The following GNAL variants were observed in gnomAD, a reference collection of about 807,000 sequenced individuals.
The protein encoded by GNAL is guanine nucleotide-binding protein G(olf) subunit alpha.
GNAL carries 18 observed loss-of-function variants against 55.1 expected under a neutral mutation model. The observed-to-expected ratio is 0.33, with a 90% CI of 0.23 to 0.48. The LOEUF is 0.48. GNAL is among the 20% of genes least tolerant of loss of function. The pLI is 0.99. For synonymous variants in GNAL, 253 were observed against 237.0 expected, an observed-to-expected ratio of 1.07 and a Z score of -0.62; for missense variants, 412 against 614.1, an observed-to-expected ratio of 0.67 and a Z score of 3.48.
chr18:11,782,070 A>C (rs2033936184), intron 4 of GNAL, among the ~76,000 whole-genome samples: 1 of 152,214 alleles, frequency 6.6e-6, no homozygotes, highest in South Asian at 2.1e-4. Context: ...TAATCCTAGC[A>C]ATTTGGGAAG....
At chr18:11,860,184 T>C (rs576683946) in intron 5 of GNAL, among the ~76,000 whole-genome samples, 2 of 152,286 alleles carry the variant, frequency 1.3e-5, no homozygotes, top group East Asian at 1.9e-4. Flanking sequence ...CCTATCGCTA[T>C]GAAAGGCCAT....
At chr18:11,706,068 A>AT (rs1052790650) in intron 1 of GNAL, among the ~76,000 whole-genome samples, 4 of 152,004 alleles carry the variant, frequency 2.6e-5, no homozygotes, top group African/African-American at 7.2e-5. Context: ...TCATTAGCCC[A>AT]TTTTTTAATC....
chr18:11,864,416 T>G, intron 6 of GNAL, 117 bp from the exon 7 acceptor site: 1 of 720,034 alleles, frequency 1.4e-6, no homozygotes, highest in Non-Finnish European at 2.6e-6. Context: ...AATTGTTGTT[T>G]CCTTTACAGT....
intron 5 of GNAL, among the ~76,000 whole-genome samples, chr18:11,843,769 TTTGAGA>T (rs2035670409): frequency 6.7e-6 from 1 of 150,062 alleles, no homozygotes; most frequent in Non-Finnish European, 1.5e-5. Context: ...AGGTCGGGAG[TTTGAGA>T]CCAGCCTGAC....
rs180972073 is a variant in GNAL, at chr18:11,882,830, C to T, written c.*1695C>T. 1.3e-5 allele frequency: 2 copies of T among 152,284 alleles called. No homozygotes were observed. The highest frequency in any genetic ancestry group is 4.8e-5 in the African/African-American group (2 of 41,566). 9.4% of individuals were successfully genotyped at this position (152,284 alleles called of 1,614,324 possible). The stretch of plus-strand genomic sequence containing the variant: ...AAAGTCAAAAGATACGGCTCTTTCT[C>T]ACACTTGCAAGACTTACAAATACAG... On this transcript the variant is annotated 3_prime_UTR_variant, in exon 12 of 12. Coordinates refer to ENST00000334049, the MANE Select transcript of GNAL (RefSeq NM_182978.4).
chr18:11,847,349 G>A (rs2035761689), intron 5 of GNAL, among the ~76,000 whole-genome samples: 1 of 150,830 alleles, frequency 6.6e-6, no homozygotes, highest in Admixed American at 6.6e-5. Flanking sequence ...TGAGAATCCA[G>A]AAATAGTTTA....
intron 4 of GNAL, among the ~76,000 whole-genome samples, chr18:11,801,130 A>G (rs1363653799): frequency 6.6e-6 from 1 of 152,236 alleles, no homozygotes; most frequent in Non-Finnish European, 1.5e-5. Flanking sequence ...CTGAACTCTT[A>G]GCATGTGTCA....
chr18:11,734,110 G>A (rs1390609840), intron 1 of GNAL, among the ~76,000 whole-genome samples: 1 of 151,740 alleles, frequency 6.6e-6, no homozygotes, highest in African/African-American at 2.4e-5. Context: ...ATGGAACTGG[G>A]GGTTAGGGAA....
At chr18:11,854,184 C>G (rs146279939) in intron 5 of GNAL, 55 of 167,146 alleles carry the variant, frequency 3.3e-4, no homozygotes, top group Admixed American at 2.8e-3. Context: ...TAGTGTTGAA[C>G]CCTTTGGTAA....
At chr18:11,852,408 TCA>T (rs1303889023) in intron 5 of GNAL, 1 of 355,170 alleles carries the variant, frequency 2.8e-6, no homozygotes, top group Non-Finnish European at 5.4e-6. Flanking sequence ...AAAACTGTAT[TCA>T]GTTTCCTGCC....
At chr18:11,857,034 G>C (rs952959293) in intron 5 of GNAL, 1 of 152,164 alleles carries the variant, frequency 6.6e-6, no homozygotes, top group Non-Finnish European at 1.5e-5. Context: ...CTTCTTTCTA[G>C]AGATGAGAAC....
chr18:11,697,260 G>A (rs1450449517), intron 1 of GNAL, among the ~76,000 whole-genome samples: 4 of 151,928 alleles, frequency 2.6e-5, no homozygotes, highest in South Asian at 2.1e-4. Flanking sequence ...TGAGGAGGCC[G>A]GGCACGGTGG....
chr18:11,841,738 T>G (rs540927482), intron 5 of GNAL, among the ~76,000 whole-genome samples: 12 of 152,230 alleles, frequency 7.9e-5, no homozygotes, highest in Admixed American at 5.2e-4. Context: ...GCACCTCTGC[T>G]TCCCAACTGC....
intron 2 of GNAL, 176 bp from the exon 3 acceptor site, chr18:11,753,452 A>G: frequency 3.6e-6 from 2 of 553,928 alleles, no homozygotes; most frequent in South Asian, 5.8e-5. Flanking sequence ...AAATTAGAAA[A>G]GAAGGGTGCT....
At chr18:11,829,428 A>G (rs1281406133) in intron 5 of GNAL, among the ~76,000 whole-genome samples, 1 of 152,222 alleles carries the variant, frequency 6.6e-6, no homozygotes, top group Non-Finnish European at 1.5e-5. Context: ...TAACATTTCA[A>G]TAAATCTGTT....
In GNAL at chr18:11,695,785, C is replaced by A. The variant is rs149278490; in HGVS notation, c.376+5846C>A. 2.0e-5 allele frequency among the ~76,000 whole-genome samples: 3 copies of A among 152,086 alleles called. No homozygotes were observed. The South Asian group carries it at 6.2e-4, about 32-fold the overall frequency. On this transcript the variant is annotated intron_variant, in intron 1 of 11. Transcript: ENST00000334049. ...ATTTCTCTGTCTGGAATACATCTTTCAAGAAGGAAGCAATCTCTTTGGGAC... is the reference window on the plus strand; with the variant it reads ...ATTTCTCTGTCTGGAATACATCTTTAAAGAAGGAAGCAATCTCTTTGGGAC...
At chr18:11,864,323 C>T (rs2036212927) in intron 6 of GNAL, among the ~76,000 whole-genome samples, 1 of 152,086 alleles carries the variant, frequency 6.6e-6, no homozygotes, top group South Asian at 2.1e-4. Context: ...CAACTCCTGA[C>T]CTCAGGTGAT....
chr18:11,752,176 A>C lies in GNAL; in HGVS notation c.377-677A>C. 2.1e-6 allele frequency: 1 copy of C among 465,988 alleles called. No homozygotes were observed. Among genetic ancestry groups the C allele is most frequent in the Non-Finnish European group, 3.4e-6 (1 of 292,002 alleles). 28.9% of individuals were successfully genotyped at this position (465,988 alleles called of 1,614,324 possible). A position where few individuals can be genotyped will look rare whatever the true frequency, so the allele number is the denominator to read the frequency against. On this transcript the variant is annotated intron_variant, in intron 1 of 11. Coordinates refer to ENST00000334049, the MANE Select transcript of GNAL (RefSeq NM_182978.4). This position sits in a 1 kb window ranked among gnomAD's most constrained non-coding sequence, Gnocchi z 4.5. Reference sequence around the variant, plus strand: ...GTTCATTGTGCTGTATTCATCCAGCAGATTTTGAAACAATTCTCGTGTAAA... The same window carrying C: ...GTTCATTGTGCTGTATTCATCCAGCCGATTTTGAAACAATTCTCGTGTAAA...
chr18:11,823,598 A>G (rs1328976065), intron 4 of GNAL, among the ~76,000 whole-genome samples: 3 of 152,158 alleles, frequency 2.0e-5, no homozygotes, highest in Non-Finnish European at 4.4e-5. Context: ...TAAACCCCTC[A>G]CAGTGCTTGG....
Sources: allele counts gnomAD v4.1 joint callset (sites outside exome capture counted in the v4.1 genomes callset), GRCh38; gene constraint gnomAD v4.1.1; non-coding constraint Gnocchi (gnomAD v3.1); transcripts MANE v1.5; gene names NCBI Gene and HGNC (gene_info 2026-07-23, HGNC 2026-07-21).